Variants in JAZF1 observed in about 807,000 individuals in gnomAD.
JAZF1 encodes the protein JAZF zinc finger 1, also known as juxtaposed with another zinc finger protein 1.
JAZF1 carries 8 observed loss-of-function variants against 26.4 expected under a neutral mutation model. The ratio of observed to expected loss-of-function variants is 0.30; its 90% CI spans 0.18 to 0.55. JAZF1 has a LOEUF of 0.55. JAZF1 is among the 20% of genes least tolerant of loss of function. The pLI is 0.94. For missense variants in JAZF1, 199 were observed against 322.0 expected, an observed-to-expected ratio of 0.62 and a Z score of 2.92; for synonymous variants, 126 against 122.3, an observed-to-expected ratio of 1.03 and a Z score of -0.20.
At chr7:27,947,346 T>G (rs1251862742) in intron 2 of JAZF1, among the ~76,000 whole-genome samples, 1 of 152,220 alleles carries the variant, frequency 6.6e-6, no homozygotes, top group African/African-American at 2.4e-5. Flanking sequence ...TTGCTTTCTG[T>G]GGACAGTTCA....
At chr7:28,146,596 C>A (rs534962647) in intron 1 of JAZF1, among the ~76,000 whole-genome samples, 1 of 152,334 alleles carries the variant, frequency 6.6e-6, no homozygotes, top group East Asian at 1.9e-4. Flanking sequence ...TATCAACAGT[C>A]TGACTGCATG....
At chr7:27,961,553 T>C (rs943474669) in intron 2 of JAZF1, among the ~76,000 whole-genome samples, 1 of 152,128 alleles carries the variant, frequency 6.6e-6, no homozygotes, top group Non-Finnish European at 1.5e-5. Flanking sequence ...GGTGAAGACA[T>C]TAAAGAGTTT....
chr7:27,892,136 C>T (rs113402342), intron 3 of JAZF1, among the ~76,000 whole-genome samples: 3,638 of 152,264 alleles, frequency 0.024, 76 homozygotes, highest in East Asian at 0.058. Flanking sequence ...ATCTCTCTAA[C>T]TACAGGTAAA....
chr7:27,991,820 AT>A (rs1299078123), intron 2 of JAZF1, 88 bp downstream of exon 2: 3 of 755,942 alleles, frequency 4.0e-6, no homozygotes, highest in Non-Finnish European at 6.6e-6. Flanking sequence ...GACTGAAAAC[AT>A]TTTTCCACTC....
At chr7:28,072,475 G>A (rs1424052082) in intron 1 of JAZF1, among the ~76,000 whole-genome samples, 1 of 152,154 alleles carries the variant, frequency 6.6e-6, no homozygotes, top group African/African-American at 2.4e-5. Flanking sequence ...TGCTTAAATA[G>A]CATATAACAA....
At chr7:27,864,573 TCTC>T (rs1248154281) in intron 3 of JAZF1, among the ~76,000 whole-genome samples, 2 of 152,294 alleles carry the variant, frequency 1.3e-5, no homozygotes, top group African/African-American at 4.8e-5. Flanking sequence ...CAAGCTGACT[TCTC>T]CTGGTACCTG....
rs1238260509 is a variant in JAZF1 at position 27,943,731 on chromosome 7, T to A, written c.188+48178A>T. ...TCCCATAAAGTGAGCATGCCTGTGCTTTCTTTGATGAGTGATGCTAATTGT... is the reference window on the plus strand; with the variant it reads ...TCCCATAAAGTGAGCATGCCTGTGCATTCTTTGATGAGTGATGCTAATTGT... On this transcript the variant is annotated intron_variant, in intron 2 of 4. Coordinates refer to ENST00000283928, the MANE Select transcript of JAZF1 (RefSeq NM_175061.4). Among the ~76,000 whole-genome samples, 3 of 152,224 alleles carry A rather than the reference T, an allele frequency of 2.0e-5. No homozygotes were observed. The East Asian group carries it at 5.8e-4, about 29-fold the overall frequency.
chr7:28,102,058 TGGGAGGCAG>T (rs576648502), intron 1 of JAZF1, among the ~76,000 whole-genome samples: 30 of 152,028 alleles, frequency 2.0e-4, no homozygotes, highest in African/African-American at 7.0e-4. Context: ...CCACCCTGAG[TGGGAGGCAG>T]GGCACCAACA....
At chr7:27,968,706 G>T (rs764919495) in intron 2 of JAZF1, among the ~76,000 whole-genome samples, 1 of 152,196 alleles carries the variant, frequency 6.6e-6, no homozygotes, top group South Asian at 2.1e-4. Context: ...AAATATTCCC[G>T]CTGTCTAGCA....
At chr7:27,961,309 C>T (rs970375371) in intron 2 of JAZF1, among the ~76,000 whole-genome samples, 4 of 152,170 alleles carry the variant, frequency 2.6e-5, no homozygotes, top group Non-Finnish European at 5.9e-5. Context: ...AGTCTGTGTT[C>T]CTGGTCACTA....
chr7:28,015,177 G>A (rs139736143), intron 1 of JAZF1, among the ~76,000 whole-genome samples: 25 of 152,134 alleles, frequency 1.6e-4, no homozygotes, highest in Admixed American at 1.1e-3. Context: ...GAAGCACCTC[G>A]GCATAGCTTT....
In JAZF1 at chr7:27,831,709, A is replaced by C. The variant is rs1782704913; in HGVS notation, c.*1091T>G. 1 of 225,788 alleles carries C rather than the reference A, an allele frequency of 4.4e-6. No homozygotes were observed. Among genetic ancestry groups the C allele is most frequent in the Non-Finnish European group, 8.8e-6 (1 of 113,136 alleles). 14.0% of individuals were successfully genotyped at this position (225,788 alleles called of 1,614,324 possible). A position where few individuals can be genotyped will look rare whatever the true frequency, so the allele number is the denominator to read the frequency against. On this transcript the variant is annotated 3_prime_UTR_variant, in exon 5 of 5. Transcript: ENST00000283928. The stretch of plus-strand genomic sequence containing the variant: ...GATGAGAAAAGTACCTTTTAAAAAA[A>C]GTAAAAAATGAGCATGAAGAAGAGG...
intron 1 of JAZF1, among the ~76,000 whole-genome samples, chr7:28,053,855 A>G (rs2128380729): frequency 6.6e-6 from 1 of 152,270 alleles, no homozygotes; most frequent in East Asian, 1.9e-4. Flanking sequence ...GGACCCTTCC[A>G]TCCTCACCTT....
chr7:27,863,629 C>G (rs968432324), intron 3 of JAZF1, among the ~76,000 whole-genome samples: 2 of 152,182 alleles, frequency 1.3e-5, no homozygotes, highest in African/African-American at 4.8e-5. Flanking sequence ...AAACTGAATT[C>G]CTGGTATCCT....
intron 2 of JAZF1, among the ~76,000 whole-genome samples, chr7:27,918,895 T>C (rs752969302): frequency 4.6e-5 from 7 of 152,164 alleles, no homozygotes; most frequent in Non-Finnish European, 8.8e-5. Context: ...TGCTTAAATA[T>C]GGGAAATGAC....
At chr7:27,979,897 A>G (rs1785548204) in intron 2 of JAZF1, among the ~76,000 whole-genome samples, 1 of 152,190 alleles carries the variant, frequency 6.6e-6, no homozygotes, top group Non-Finnish European at 1.5e-5. Flanking sequence ...ATTCAGTGGT[A>G]GCCATCTATC....
chr7:27,869,408 GTAA>G (rs1783540790), intron 3 of JAZF1, among the ~76,000 whole-genome samples: 1 of 152,198 alleles, frequency 6.6e-6, no homozygotes, highest in Non-Finnish European at 1.5e-5. Context: ...AGTTTCCATT[GTAA>G]TAAATGTGGA....
chr7:28,151,525 G>A (rs1011951846), intron 1 of JAZF1, among the ~76,000 whole-genome samples: 1 of 151,774 alleles, frequency 6.6e-6, no homozygotes, highest in Non-Finnish European at 1.5e-5. Context: ...ATGAGGCCAG[G>A]CACGGTGGCT....
chr7:27,926,876 A>G (rs779690563), intron 2 of JAZF1, among the ~76,000 whole-genome samples: 23 of 152,218 alleles, frequency 1.5e-4, no homozygotes, highest in Non-Finnish European at 2.8e-4. Context: ...TAAGGTTTCT[A>G]GAAGCAGGTA....
Sources: allele counts gnomAD v4.1 joint callset (sites outside exome capture counted in the v4.1 genomes callset), GRCh38; gene constraint gnomAD v4.1.1; transcripts MANE v1.5; gene names NCBI Gene and HGNC (gene_info 2026-07-23, HGNC 2026-07-21).